Variants in RAPH1 observed in about 807,000 individuals in gnomAD.
RAPH1 encodes the protein Ras association (RalGDS/AF-6) and pleckstrin homology domains 1.
RAPH1 carries 18 observed loss-of-function variants against 88.1 expected under a neutral mutation model. The ratio of observed to expected loss-of-function variants is 0.20; its 90% CI spans 0.14 to 0.30. The LOEUF (loss-of-function observed/expected upper bound fraction) is 0.30, where lower values mean the gene tolerates loss of function less well. RAPH1 is among the 10% of genes least tolerant of loss of function. RAPH1 has a pLI of 1.00. For synonymous variants in RAPH1, 587 were observed against 559.0 expected (o/e 1.05, Z -0.71); for missense variants, 1,448 against 1,543.2 (o/e 0.94, Z 1.03).
intron 8 of RAPH1, among the ~76,000 whole-genome samples, chr2:203,457,173 T>C (rs1031550738): frequency 2.6e-5 from 4 of 151,812 alleles, no homozygotes; most frequent in African/African-American, 7.2e-5. Flanking sequence ...TTTAATATTT[T>C]ATTTTATTTA....
In RAPH1 at chr2:203,515,251, T is replaced by C. The variant is rs149070573; in HGVS notation, c.-1+19860A>G. ...TAAGCAAAACTTTAAAAATCTGTAATTTAACTAATGTACAATAAAGAAACC... is the reference window on the plus strand; with the variant it reads ...TAAGCAAAACTTTAAAAATCTGTAACTTAACTAATGTACAATAAAGAAACC... On this transcript the variant is annotated intron_variant, in intron 1 of 13. Coordinates refer to ENST00000319170, the MANE Select transcript of RAPH1 (RefSeq NM_213589.3). Among the ~76,000 whole-genome samples the C allele has an allele frequency of 6.6e-3, 1,012 of 152,338 alleles. 6 individuals are homozygous for C. Among genetic ancestry groups the C allele is most frequent in the Non-Finnish European group, 0.01 (688 of 68,028 alleles).
intron 4 of RAPH1, chr2:203,470,247 G>T: frequency 6.2e-7 from 1 of 1,610,716 alleles, no homozygotes; most frequent in Non-Finnish European, 8.5e-7. Flanking sequence ...ACCTTGGTCA[G>T]CAAATGAGAA....
Position 203,439,932 on chromosome 2 carries a change from G to A in RAPH1, c.3258C>T (p.Pro1086=). The A allele has an allele frequency of 6.2e-7, 1 of 1,613,900 alleles. No individual in the cohort carries two copies. The highest frequency in any genetic ancestry group is 8.5e-7 in the Non-Finnish European group (1 of 1,180,000). The part of the protein sequence containing the change: ...PPPETELPLP[P]IEIPAVFSGN... ...CCGAGAAAACTGCTGGAATCTCAAT[G>A]GGGGGCAGAGGAAGCTCTGTTTCAG... is the stretch of plus-strand genomic sequence containing the variant. The change falls in exon 14 of 14, where the codon CCC becomes CCT. Residue 1086 remains proline (P), a synonymous_variant. Coordinates refer to ENST00000319170, the MANE Select transcript of RAPH1 (RefSeq NM_213589.3).
intron 4 of RAPH1, among the ~76,000 whole-genome samples, chr2:203,487,407 G>A (rs1377278830): frequency 2.0e-5 from 3 of 150,568 alleles, no homozygotes; most frequent in African/African-American, 4.9e-5. Flanking sequence ...TTTTGTAGAC[G>A]GAGTCTTGCT....
At chr2:203,521,598 T>C (rs1341460585) in intron 1 of RAPH1, among the ~76,000 whole-genome samples, 4 of 152,180 alleles carry the variant, frequency 2.6e-5, no homozygotes, top group African/African-American at 4.8e-5. Context: ...TAGATGTCTA[T>C]CATGTTTTAT....
In RAPH1 at chr2:203,448,948, C is replaced by A; in HGVS notation, c.1414-112G>T. 1 of 537,436 alleles carries A rather than the reference C, an allele frequency of 1.9e-6. No homozygotes were observed. The highest frequency in any genetic ancestry group is 3.2e-6 in the Non-Finnish European group (1 of 316,660). 33.3% of individuals were successfully genotyped at this position (537,436 alleles called of 1,614,324 possible). On this transcript the variant is annotated intron_variant, in intron 10 of 13. Transcript: ENST00000319170. This position sits in a 1 kb window ranked among gnomAD's most constrained non-coding sequence, Gnocchi z 4.1. ...AGTTATAGGCCATTAGAGTAATGGC[C>A]AATACATTTATGCTTCTTATATGGC... is the stretch of plus-strand genomic sequence containing the variant.
At chr2:203,509,066 A>ATTTTTTTTTTTTTTTTTTTTTT (rs34628795) in intron 1 of RAPH1, among the ~76,000 whole-genome samples, 1 of 120,502 alleles carries the variant, frequency 8.3e-6, no homozygotes, top group Non-Finnish European at 1.7e-5. Context: ...TTAAAAAATA[A>ATTTTTTTTTTTTTTTTTTTTTT]TTTTTTTTTT....
intron 4 of RAPH1, among the ~76,000 whole-genome samples, chr2:203,478,768 C>A (rs1007795028): frequency 1.3e-5 from 2 of 152,198 alleles, no homozygotes; most frequent in Admixed American, 1.3e-4. Flanking sequence ...GGATTACAGG[C>A]GTGAGCCACT....
At chr2:203,493,741 G>A (rs955313982) in intron 2 of RAPH1, among the ~76,000 whole-genome samples, 1 of 151,940 alleles carries the variant, frequency 6.6e-6, no homozygotes, top group African/African-American at 2.4e-5. Context: ...GAGAGGCCGA[G>A]GCAGGTGGAT....
intron 12 of RAPH1, chr2:203,447,222 G>GATCT (rs1199708137): frequency 7.9e-6 from 1 of 126,846 alleles, no homozygotes; most frequent in African/African-American, 2.9e-5. Context: ...TAGAAACCAT[G>GATCT]ATCTATTTAA....
At chr2:203,445,605 T>C (rs1302848118) in intron 12 of RAPH1, 1 of 151,922 alleles carries the variant, frequency 6.6e-6, no homozygotes, top group Non-Finnish European at 1.5e-5. Context: ...TTGAAAGGAG[T>C]GGGGCCTGGT....
chr2:203,441,608 A>C, intron 13 of RAPH1, 195 bp from the exon 14 acceptor site: 2 of 1,343,458 alleles, frequency 1.5e-6, no homozygotes, highest in Non-Finnish European at 1.9e-6. Flanking sequence ...GGCAAGAAGG[A>C]AACAGAAAAC....
chr2:203,475,919 C>T (rs1687413681), intron 4 of RAPH1, among the ~76,000 whole-genome samples: 1 of 151,836 alleles, frequency 6.6e-6, no homozygotes, highest in South Asian at 2.1e-4. Context: ...TTCATTATTT[C>T]TCCTTCATAG....
At chr2:203,531,426 A>G (rs771624861) in intron 1 of RAPH1, among the ~76,000 whole-genome samples, 14 of 152,232 alleles carry the variant, frequency 9.2e-5, no homozygotes, top group Non-Finnish European at 1.9e-4. Context: ...GTGCAAAAGG[A>G]TACTATCAAG....
intron 1 of RAPH1, among the ~76,000 whole-genome samples, chr2:203,519,305 G>GT (rs1251009036): frequency 1.3e-5 from 2 of 152,084 alleles, no homozygotes; most frequent in African/African-American, 4.8e-5. Flanking sequence ...CCATGACCAA[G>GT]TAAGATTTAT....
rs754113554 is a variant in RAPH1 at position 203,440,931 on chromosome 2, C to T, written c.2259G>A (p.Gln753=). ...TTGGGGGAGCCACCTGAGTAATATG[C>T]TGAACTTGATGGATCTTCAGTGGAG... ...PPPPLKIHQV[Q]HITQVAPPTP... is the part of the protein sequence containing the mutation. Residue 753 remains glutamine (Q), a synonymous_variant, in exon 14 of 14, where the codon CAG becomes CAA. Coordinates refer to ENST00000319170, the MANE Select transcript of RAPH1 (RefSeq NM_213589.3). 1.3e-6 allele frequency: 2 copies of T among 1,561,282 alleles called. No homozygotes were observed. The highest frequency in any genetic ancestry group is 1.2e-5 in the South Asian group (1 of 82,486).
At chr2:203,466,372 A>G (rs1220049441) in intron 4 of RAPH1, among the ~76,000 whole-genome samples, 2 of 152,184 alleles carry the variant, frequency 1.3e-5, no homozygotes, top group Non-Finnish European at 2.9e-5. Flanking sequence ...TTAAGCAATC[A>G]CCATATCTTT....
intron 1 of RAPH1, among the ~76,000 whole-genome samples, chr2:203,534,785 C>G (rs1031729429): frequency 2.6e-5 from 4 of 151,664 alleles, no homozygotes; most frequent in African/African-American, 9.7e-5. Flanking sequence ...GGGCCACCAG[C>G]CCCCGGTGCT....
intron 3 of RAPH1, among the ~76,000 whole-genome samples, 191 bp from the exon 4 acceptor site, chr2:203,490,280 G>C (rs1345623853): frequency 6.6e-6 from 1 of 152,176 alleles, no homozygotes; most frequent in Non-Finnish European, 1.5e-5. Flanking sequence ...TTTAAGGCTT[G>C]TAATAATCAG....
Sources: gnomAD v4.1 joint callset for allele counts (sites outside exome capture counted in the v4.1 genomes callset) on GRCh38, gnomAD v4.1.1 for gene constraint, Gnocchi (gnomAD v3.1) non-coding constraint, MANE v1.5 for transcripts, NCBI Gene and HGNC (gene_info 2026-07-23, HGNC 2026-07-21) for gene names.